Variants in GPR135 observed in about 807,000 individuals in gnomAD.
GPR135 encodes the protein G protein-coupled receptor 135.
Under a neutral mutation model 15.0 loss-of-function variants are expected in GPR135, and 17 were observed. The ratio of observed to expected loss-of-function variants is 1.13; its 90% CI spans 0.78 to 1.70. GPR135 has a LOEUF of 1.70. GPR135 is among the 40% of genes most tolerant of loss of function. The pLI is 0.00. For synonymous variants in GPR135, 368 were observed against 349.4 expected, an observed-to-expected ratio of 1.05 and a Z score of -0.59; for missense variants, 776 against 727.0, an observed-to-expected ratio of 1.07 and a Z score of -0.78.
intron 6 of GPR135, among the ~76,000 whole-genome samples, chr14:59,453,973 A>G (rs910724822): frequency 6.6e-6 from 1 of 152,222 alleles, no homozygotes; most frequent in Non-Finnish European, 1.5e-5. Context: ...ACACCAGGAC[A>G]AGAACATTTC....
Position 59,464,902 on chromosome 14 carries a change from C to G in GPR135, c.325G>C (p.Val109Leu). ...HGAAVAAQAL[V>L]LLLIFLLSSL... Reference sequence around the variant, plus strand: ...GACAGCAGGAAGATGAGCAGGAGGACGAGCGCCTGGGCCGCCACTGCAGCT... The same window carrying G: ...GACAGCAGGAAGATGAGCAGGAGGAGGAGCGCCTGGGCCGCCACTGCAGCT... Residue 109 changes from valine to leucine, a missense_variant, in exon 1 of 1, where the codon GTC becomes CTC. Coordinates refer to ENST00000395116, the MANE Select transcript of GPR135 (RefSeq NM_022571.6). 1 of 1,603,114 alleles carries G rather than the reference C, an allele frequency of 6.2e-7. No individual in the cohort carries two copies. The highest frequency in any genetic ancestry group is 1.1e-5 in the South Asian group (1 of 89,292).
intron 6 of GPR135, among the ~76,000 whole-genome samples, chr14:59,452,829 C>A (rs1028502142): frequency 6.6e-6 from 1 of 152,066 alleles, no homozygotes; most frequent in Non-Finnish European, 1.5e-5. Flanking sequence ...TTGGAAGCAA[C>A]CAAGATGCCA....
At chr14:59,453,841 T>C (rs1452990151) in intron 6 of GPR135, among the ~76,000 whole-genome samples, 1 of 152,194 alleles carries the variant, frequency 6.6e-6, no homozygotes, top group Non-Finnish European at 1.5e-5. Flanking sequence ...ATCGTGTACA[T>C]ATTATCTATT....
rs1426447146 is a variant in GPR135, at chr14:59,461,002, T to G, written c.*2740A>C. On this transcript the variant is annotated 3_prime_UTR_variant, in exon 1 of 1. Transcript: ENST00000395116. Reference sequence around the variant, plus strand: ...TATCTCTTGCTTCCAAGTTCATCTCTTTTCTTTGATAGCCTCTTCTGAAAG... The same window carrying G: ...TATCTCTTGCTTCCAAGTTCATCTCGTTTCTTTGATAGCCTCTTCTGAAAG... The G allele has an allele frequency of 6.6e-6, 1 of 152,270 alleles. No individual in the cohort carries two copies. The highest frequency in any genetic ancestry group is 2.4e-5 in the African/African-American group (1 of 41,474). 9.4% of individuals were successfully genotyped at this position (152,270 alleles called of 1,614,324 possible).
In GPR135 at chr14:59,462,613, T is replaced by G. The variant is rs1038301256; in HGVS notation, c.*1129A>C. 3 of 152,164 alleles carry G rather than the reference T, an allele frequency of 2.0e-5. No homozygotes were observed. Among genetic ancestry groups the G allele is most frequent in the African/African-American group, 7.2e-5 (3 of 41,444 alleles). 9.4% of individuals were successfully genotyped at this position (152,164 alleles called of 1,614,324 possible). ...TAAAAAATACAAAATATACCAAATT[T>G]CTAAATGTAGGAGGGTATGATCTAT... On this transcript the variant is annotated 3_prime_UTR_variant, in exon 1 of 1. Coordinates refer to ENST00000395116, the MANE Select transcript of GPR135 (RefSeq NM_022571.6).
chr14:59,461,037 T>G lies in GPR135; in HGVS notation c.*2705A>C, dbSNP rs531644763. 1 of 152,360 alleles carries G rather than the reference T, an allele frequency of 6.6e-6. No homozygotes were observed. The highest frequency in any genetic ancestry group is 2.1e-4 in the South Asian group (1 of 4,832). The allele number at this position is 152,360 out of a possible 1,614,324, so 9.4% of individuals were successfully genotyped here. The stretch of plus-strand genomic sequence containing the variant: ...TAGCCTCTTCTGAAAGTGCTACACC[T>G]TTTCTTTTCCACAAGTAAACTTGTT... On this transcript the variant is annotated 3_prime_UTR_variant, in exon 1 of 1. Transcript: ENST00000395116.
chr14:59,460,839 T>C lies in GPR135; in HGVS notation c.*2903A>G, dbSNP rs973102180. On this transcript the variant is annotated 3_prime_UTR_variant, in exon 1 of 1. Transcript: ENST00000395116. ...TTCTCGTTTTCCCATGAAGTCACTA[T>C]AATTGCATACTCATAGTAAGCACAA... 1 of 152,260 alleles carries C rather than the reference T, an allele frequency of 6.6e-6. No individual in the cohort carries two copies. The highest frequency in any genetic ancestry group is 2.4e-5 in the African/African-American group (1 of 41,470). The allele number at this position is 152,260 out of a possible 1,614,324, so 9.4% of individuals were successfully genotyped here.
At chr14:59,459,384 T>C (rs1291499283), downstream of GPR135, among the ~76,000 whole-genome samples, 1 of 152,210 alleles carries the variant, frequency 6.6e-6, no homozygotes. Context: ...ATAATTTTTT[T>C]GTGTTTAGAG....
At chr14:59,460,342 T>C (rs1888809766), downstream of GPR135, 1 of 152,226 alleles carries the variant, frequency 6.6e-6, no homozygotes, top group Non-Finnish European at 1.5e-5. Context: ...CACATATATA[T>C]AGTTGTTTTC....
rs1182425694 is a variant in GPR135, at chr14:59,463,707, A to G, written c.*35T>C. The G allele has an allele frequency of 1.3e-6, 2 of 1,520,216 alleles. No individual in the cohort carries two copies. Among genetic ancestry groups the G allele is most frequent in the South Asian group, 1.3e-5 (1 of 76,086 alleles). The allele number at this position is 1,520,216 out of a possible 1,614,324, so 94.2% of individuals were successfully genotyped here. ...TTCCATCATTAAATAATGCGAGTGG[A>G]AATTTGCCTTCATAAGCTGGCCATT... On this transcript the variant is annotated 3_prime_UTR_variant, in exon 1 of 1. Transcript: ENST00000395116.
rs1200316420 is a variant in GPR135, at chr14:59,460,873, C to T, written c.*2869G>A. 3 of 152,164 alleles carry T rather than the reference C, an allele frequency of 2.0e-5. No individual in the cohort carries two copies. The highest frequency in any genetic ancestry group is 2.9e-5 in the Non-Finnish European group (2 of 68,034). 9.4% of individuals were successfully genotyped at this position (152,164 alleles called of 1,614,324 possible). ...ACTCATAGTAAGCACAACGAAAGGTCGAAGTCTTAGATTATTTTGAGAATC... is the reference window on the plus strand; with the variant it reads ...ACTCATAGTAAGCACAACGAAAGGTTGAAGTCTTAGATTATTTTGAGAATC... On this transcript the variant is annotated 3_prime_UTR_variant, in exon 1 of 1. Transcript: ENST00000395116.
rs770616899 is a variant in GPR135, at chr14:59,462,519, A to G, written c.*1223T>C. The G allele has an allele frequency of 2.6e-5, 4 of 152,196 alleles. No individual in the cohort carries two copies. Among genetic ancestry groups the G allele is most frequent in the Non-Finnish European group, 5.9e-5 (4 of 68,020 alleles). The allele number at this position is 152,196 out of a possible 1,614,324, so 9.4% of individuals were successfully genotyped here. A position where few individuals can be genotyped will look rare whatever the true frequency, so the allele number is the denominator to read the frequency against. On this transcript the variant is annotated 3_prime_UTR_variant, in exon 1 of 1. Coordinates refer to ENST00000395116, the MANE Select transcript of GPR135 (RefSeq NM_022571.6). ...TTAATACCGTTACATATAGTCCCACACCTATTCTCCCTTTAATAAATACAT... is the reference window on the plus strand; with the variant it reads ...TTAATACCGTTACATATAGTCCCACGCCTATTCTCCCTTTAATAAATACAT...
intron 6 of GPR135, among the ~76,000 whole-genome samples, chr14:59,453,387 G>C (rs895665697): frequency 2.6e-5 from 4 of 152,126 alleles, no homozygotes; most frequent in Non-Finnish European, 5.9e-5. Flanking sequence ...TGAACCTAAA[G>C]ATGCTCTGAA....
intron 6 of GPR135, among the ~76,000 whole-genome samples, chr14:59,453,661 C>A (rs902718365): frequency 2.6e-5 from 4 of 152,098 alleles, no homozygotes; most frequent in Admixed American, 6.5e-5. Context: ...TCATCAAGTC[C>A]ATTGAAATTA....
Position 59,461,242 on chromosome 14 carries a change from A to G in GPR135, c.*2500T>C, listed in dbSNP as rs1217438324. 1.3e-5 allele frequency: 2 copies of G among 152,208 alleles called. No homozygotes were observed. Among genetic ancestry groups the G allele is most frequent in the Non-Finnish European group, 2.9e-5 (2 of 68,036 alleles). The allele number at this position is 152,208 out of a possible 1,614,324, so 9.4% of individuals were successfully genotyped here. On this transcript the variant is annotated 3_prime_UTR_variant, in exon 1 of 1. Transcript: ENST00000395116. ...TGATGATAATGATGACAGTACCATA[A>G]TTGATCATGATTGATTTCCTTACCT...
downstream of GPR135, among the ~76,000 whole-genome samples, chr14:59,458,419 C>T (rs1351542094): frequency 2.0e-5 from 3 of 152,206 alleles, no homozygotes; most frequent in Non-Finnish European, 4.4e-5. Flanking sequence ...TTCTATCTCT[C>T]ATGAAGTTTT....
Position 59,463,801 on chromosome 14 carries a change from C to A in GPR135, c.1426G>T (p.Glu476Ter). 6.2e-7 allele frequency: 1 copy of A among 1,614,026 alleles called. No individual in the cohort carries two copies. The highest frequency in any genetic ancestry group is 8.5e-7 in the Non-Finnish European group (1 of 1,179,926). ...VVLFCREGPP[E>*]PVTAVTKQPK... ...TGTTTGGTCACTGCCGTCACCGGCTCTGGTGGTCCCTCTCGGCAGAAAAGT... is the reference window on the plus strand; with the variant it reads ...TGTTTGGTCACTGCCGTCACCGGCTATGGTGGTCCCTCTCGGCAGAAAAGT... Residue 476 changes from glutamate (E) to a stop codon, truncating the protein, a stop_gained, in exon 1 of 1, where the codon GAG (glutamate) becomes TAG (stop). Transcript: ENST00000395116. LOFTEE classifies it high-confidence loss of function.
rs754590475 is a variant in GPR135, at chr14:59,463,742, T to C, written c.1485A>G (p.Ter495=). 6.3e-7 allele frequency: 1 copy of C among 1,587,678 alleles called. No individual in the cohort carries two copies. The highest frequency in any genetic ancestry group is 8.6e-7 in the Non-Finnish European group (1 of 1,164,714). ...TCATAAGCTGGCCATTCCAACCGTC[T>C]TAGAGGCTGGTATCCCCAGCTTCGG... ...PKSEAGDTSL[*] is the part of the protein sequence containing the mutation. The change falls in exon 1 of 1, where the codon TAA becomes TAG. Residue 495 remains the stop codon, a stop_retained_variant. Coordinates refer to ENST00000395116, the MANE Select transcript of GPR135 (RefSeq NM_022571.6).
chr14:59,458,488 T>C (rs894743358), downstream of GPR135, among the ~76,000 whole-genome samples: 4 of 152,216 alleles, frequency 2.6e-5, no homozygotes, highest in East Asian at 7.7e-4. Context: ...TGCCTTAGAC[T>C]TGAACTTCTC....
Sources: allele counts gnomAD v4.1 joint callset (sites outside exome capture counted in the v4.1 genomes callset), GRCh38; gene constraint gnomAD v4.1.1; transcripts MANE v1.5; gene names NCBI Gene and HGNC (gene_info 2026-07-23, HGNC 2026-07-21).